The following USP37 variants were observed in gnomAD, a reference collection of about 807,000 sequenced individuals.
USP37 encodes ubiquitin carboxyl-terminal hydrolase 37.
USP37 carries 27 observed loss-of-function variants against 124.0 expected under a neutral mutation model. The ratio of observed to expected loss-of-function variants is 0.22; its 90% CI spans 0.16 to 0.30. USP37 has a LOEUF of 0.30. Ranked by LOEUF, USP37 falls within the 10% of genes least tolerant of loss-of-function variation. The probability of loss-of-function intolerance (pLI) is 1.00; values close to 1 mark genes in which losing one functional copy is unlikely to be tolerated. For missense variants in USP37, 889 were observed against 1,140.4 expected (o/e 0.78, Z 3.17); for synonymous variants, 365 against 388.0 (o/e 0.94, Z 0.70).
chr2:218,458,050 AAAAAG>A (rs1419056857), intron 23 of USP37, among the ~76,000 whole-genome samples: 7 of 150,162 alleles, frequency 4.7e-5, no homozygotes, highest in Non-Finnish European at 8.9e-5. Context: ...AAAAAAAAAA[AAAAAG>A]AAAAGAAAAG....
intron 25 of USP37, 43 bp downstream of exon 25, chr2:218,455,537 G>T: frequency 2.0e-6 from 3 of 1,507,850 alleles, no homozygotes; most frequent in South Asian, 1.3e-5. Flanking sequence ...AAGAGTTCCG[G>T]TGATTTCTAA....
chr2:218,544,430 T>TAGAGAGAGAGAGAGAGAGAGAGAGAG (rs56690495), intron 8 of USP37, among the ~76,000 whole-genome samples: 1 of 50,818 alleles, frequency 2.0e-5, no homozygotes, highest in African/African-American at 1.3e-4. Context: ...TATATATATA[T>TAGAGAGAGAGAGAGAGAGAGAGAGAG]AGAGAGAGAG....
intron 14 of USP37, among the ~76,000 whole-genome samples, chr2:218,489,906 A>G (rs1166925832): frequency 6.6e-6 from 1 of 152,206 alleles, no homozygotes; most frequent in Non-Finnish European, 1.5e-5. Flanking sequence ...TGATTGTAAT[A>G]TTTAACTATG....
At chr2:218,560,783 A>T (rs572624195) in intron 3 of USP37, 37 bp downstream of exon 3, 2 of 152,186 alleles carry the variant, frequency 1.3e-5, no homozygotes, top group African/African-American at 4.8e-5. Context: ...ATGAATTCAA[A>T]TTTATTTTTA....
chr2:218,467,509 C>T (rs992219023), intron 20 of USP37, among the ~76,000 whole-genome samples: 6 of 152,000 alleles, frequency 3.9e-5, no homozygotes, highest in South Asian at 2.1e-4. Context: ...CCACCACGCC[C>T]GGCTAATTTT....
chr2:218,464,289 C>T (rs779054058), intron 21 of USP37, among the ~76,000 whole-genome samples: 67 of 151,272 alleles, frequency 4.4e-4, no homozygotes, highest in Non-Finnish European at 8.5e-4. Flanking sequence ...GGCAGAAGTA[C>T]AGCAGTAGCG....
At chr2:218,463,239 A>G in intron 22 of USP37, 67 bp downstream of exon 22, 1 of 1,218,618 alleles carries the variant, frequency 8.2e-7, no homozygotes. Context: ...CACTTTCTTT[A>G]TATGTTCTTC....
intron 21 of USP37, among the ~76,000 whole-genome samples, chr2:218,463,769 T>C (rs1460653062): frequency 6.6e-6 from 1 of 151,610 alleles, no homozygotes; most frequent in Non-Finnish European, 1.5e-5. Context: ...TCTCCTGACC[T>C]TGTGATCCGC....
intron 24 of USP37, among the ~76,000 whole-genome samples, chr2:218,456,326 G>A (rs116569915): frequency 1.4e-3 from 216 of 151,884 alleles, no homozygotes; most frequent in Non-Finnish European, 2.7e-3. Context: ...TGGCATGCAC[G>A]TGTAGTCGCA....
chr2:218,484,180 T>TTA (rs1354663379), intron 16 of USP37, among the ~76,000 whole-genome samples: 1 of 151,912 alleles, frequency 6.6e-6, no homozygotes, highest in African/African-American at 2.4e-5. Flanking sequence ...AAACACAACA[T>TTA]TTTTTGTAGA....
At chr2:218,520,929 G>A (rs926033455) in intron 10 of USP37, among the ~76,000 whole-genome samples, 1 of 152,158 alleles carries the variant, frequency 6.6e-6, no homozygotes, top group African/African-American at 2.4e-5. Context: ...GGGGCTTGGT[G>A]GAAGGTGATT....
intron 10 of USP37, among the ~76,000 whole-genome samples, chr2:218,522,903 T>A (rs148585645): frequency 0.01 from 1,521 of 151,216 alleles, 55 homozygotes; most frequent in East Asian, 0.099. Context: ...CTTTGGGAGG[T>A]CAAGGCGGGT....
At chr2:218,456,912 G>A (rs1304837593) in intron 24 of USP37, among the ~76,000 whole-genome samples, 180 bp downstream of exon 24, 1 of 151,874 alleles carries the variant, frequency 6.6e-6, no homozygotes, top group Non-Finnish European at 1.5e-5. Context: ...GGAGGCTGCA[G>A]TGAGCCGAGA....
intron 10 of USP37, among the ~76,000 whole-genome samples, chr2:218,511,700 G>C (rs1559197663): frequency 6.6e-6 from 1 of 152,090 alleles, no homozygotes; most frequent in African/African-American, 2.4e-5. Context: ...GCTCGCCTCA[G>C]CCTCCCAAAG....
chr2:218,531,437 A>C (rs1293352643), intron 9 of USP37, among the ~76,000 whole-genome samples: 1 of 152,232 alleles, frequency 6.6e-6, no homozygotes, highest in African/African-American at 2.4e-5. Flanking sequence ...TGTTTTCAAA[A>C]TACTACTGCT....
In USP37 at chr2:218,500,252, CATTTATTT is replaced by C. The variant is rs1012776317; in HGVS notation, c.1026-2103_1026-2096del. ...ACCACACGCAGCTAATGTTTGTATTCATTTATTTATTTATTTATTTATTTTGAGACGGA... is the reference window on the plus strand; with the variant it reads ...ACCACACGCAGCTAATGTTTGTATTCATTTATTTATTTATTTTGAGACGGA... On this transcript the variant is annotated intron_variant, in intron 11 of 25. Transcript: ENST00000258399. 7.9e-5 allele frequency among the ~76,000 whole-genome samples: 12 copies of C among 151,290 alleles called. No individual in the cohort carries two copies. In the East Asian group the frequency reaches 2.1e-3, roughly 27 times the overall value.
intron 24 of USP37, 44 bp from the exon 25 acceptor site, chr2:218,455,762 C>T (rs375389691): frequency 1.6e-5 from 26 of 1,597,282 alleles, no homozygotes; most frequent in Admixed American, 3.4e-5. Context: ...TAAAAACACA[C>T]CGAAGCTGGG....
chr2:218,525,925 T>C (rs1449128074), intron 10 of USP37, among the ~76,000 whole-genome samples: 3 of 152,218 alleles, frequency 2.0e-5, no homozygotes, highest in African/African-American at 7.2e-5. Context: ...CACCTATAAG[T>C]GAGAACATGC....
At chr2:218,463,220 A>G (rs1474597175) in intron 22 of USP37, 86 bp downstream of exon 22, 7 of 635,508 alleles carry the variant, frequency 1.1e-5, no homozygotes, top group Non-Finnish European at 1.8e-5. Context: ...ACACACACAC[A>G]CACACACACA....
Sources: allele counts gnomAD v4.1 joint callset (sites outside exome capture counted in the v4.1 genomes callset), GRCh38; gene constraint gnomAD v4.1.1; transcripts MANE v1.5; gene names NCBI Gene and HGNC (gene_info 2026-07-23, HGNC 2026-07-21).